Variants in UBE4A observed in about 807,000 individuals in gnomAD.
UBE4A encodes ubiquitin conjugation factor E4 A.
UBE4A carries 48 observed loss-of-function variants against 117.9 expected under a neutral mutation model. That is an observed-to-expected ratio of 0.41 (90% CI 0.32 to 0.52). UBE4A has a LOEUF of 0.52. Among genes scored for constraint, UBE4A ranks in the 20% least tolerant of loss-of-function variants. The pLI is 0.33. For synonymous variants in UBE4A, 407 were observed against 450.0 expected (o/e 0.90, Z 1.21); for missense variants, 1,067 against 1,296.3 (o/e 0.82, Z 2.72).
At chr11:118,387,844 G>T (rs782425048) in intron 16 of UBE4A, among the ~76,000 whole-genome samples, 26 of 152,144 alleles carry the variant, frequency 1.7e-4, no homozygotes, top group Admixed American at 1.3e-4. Context: ...CAAGGGAGAC[G>T]CAAAGGAGAT....
intron 4 of UBE4A, among the ~76,000 whole-genome samples, chr11:118,370,688 G>A (rs1948601914): frequency 6.6e-6 from 1 of 152,016 alleles, no homozygotes; most frequent in Non-Finnish European, 1.5e-5. Context: ...TCACAGTTCT[G>A]CAGGCTGAGA....
At chr11:118,377,929 A>AT (rs1491263804) in intron 10 of UBE4A, among the ~76,000 whole-genome samples, 2 of 137,694 alleles carry the variant, frequency 1.5e-5, no homozygotes, top group Non-Finnish European at 3.1e-5. Flanking sequence ...AAAAAAAAAA[A>AT]TTTCATTACT....
At chr11:118,360,162 C>T (rs752855950) in intron 1 of UBE4A, among the ~76,000 whole-genome samples, 1 of 152,164 alleles carries the variant, frequency 6.6e-6, no homozygotes, top group African/African-American at 2.4e-5. Flanking sequence ...GATGAGTTCA[C>T]CACAGATAAC....
intron 8 of UBE4A, among the ~76,000 whole-genome samples, chr11:118,374,634 T>C (rs781983768): frequency 2.0e-5 from 3 of 152,218 alleles, no homozygotes; most frequent in Non-Finnish European, 2.9e-5. Context: ...CAGAAATCCT[T>C]ATTGTCTAGC....
intron 11 of UBE4A, among the ~76,000 whole-genome samples, chr11:118,380,134 CGTGTGTGTGTGTGTGTGTGTGTGTGT>C (rs55892936): frequency 7.3e-6 from 1 of 136,938 alleles, no homozygotes; most frequent in African/African-American, 2.8e-5. Flanking sequence ...TGTGTGTGTG[CGTGTGTGTGTGTGTGTGTGTGTGTGT>C]GTGTGTGTGT....
chr11:118,381,835 A>G (rs1948707904), intron 12 of UBE4A, among the ~76,000 whole-genome samples: 1 of 152,222 alleles, frequency 6.6e-6, no homozygotes, highest in Non-Finnish European at 1.5e-5. Context: ...GGTGCTAATG[A>G]TCTTCTAATA....
intron 1 of UBE4A, among the ~76,000 whole-genome samples, chr11:118,363,770 C>T (rs766923751): frequency 1.2e-4 from 18 of 152,122 alleles, no homozygotes; most frequent in African/African-American, 2.2e-4. Flanking sequence ...AGGCACCTGC[C>T]GCCATGCCTG....
chr11:118,365,408 C>G (rs1212200814), intron 2 of UBE4A, among the ~76,000 whole-genome samples: 1 of 152,078 alleles, frequency 6.6e-6, no homozygotes, highest in African/African-American at 2.4e-5. Flanking sequence ...CTCCGCTGTC[C>G]TCTCCACTGT....
intron 1 of UBE4A, among the ~76,000 whole-genome samples, chr11:118,364,604 A>G (rs549045054): frequency 4.6e-4 from 70 of 152,104 alleles, no homozygotes; most frequent in African/African-American, 1.6e-3. Flanking sequence ...CCTTGTCCTC[A>G]CCCCAGTGAA....
chr11:118,368,158 C>T (rs1565529659), intron 2 of UBE4A, among the ~76,000 whole-genome samples: 1 of 152,046 alleles, frequency 6.6e-6, no homozygotes, highest in East Asian at 1.9e-4. Context: ...TGAATATTAG[C>T]ACCAGAAAAG....
intron 1 of UBE4A, among the ~76,000 whole-genome samples, chr11:118,360,162 C>G (rs752855950): frequency 1.3e-5 from 2 of 152,164 alleles, no homozygotes; most frequent in African/African-American, 2.4e-5. Context: ...GATGAGTTCA[C>G]CACAGATAAC....
At chr11:118,379,420 A>C in intron 10 of UBE4A, 26 bp from the exon 11 acceptor site, 1 of 1,602,212 alleles carries the variant, frequency 6.2e-7, no homozygotes, top group Non-Finnish European at 8.5e-7. Context: ...TCCCTGACCC[A>C]GTCTCTTCTG....
At chr11:118,386,252 A>G (rs1430890500) in intron 15 of UBE4A, among the ~76,000 whole-genome samples, 186 bp from the exon 16 acceptor site, 1 of 152,128 alleles carries the variant, frequency 6.6e-6, no homozygotes, top group Non-Finnish European at 1.5e-5. Context: ...TGAAGCCACA[A>G]TTTCTTTTTT....
At position 118,373,066 on chromosome 11, in the gene UBE4A, T is replaced by C; in HGVS notation, c.722-20T>C. 1 of 1,611,614 alleles carries C rather than the reference T, an allele frequency of 6.2e-7. No homozygotes were observed. The highest frequency in any genetic ancestry group is 8.5e-7 in the Non-Finnish European group (1 of 1,178,572). Reference sequence around the variant, plus strand: ...AAAAATTCTTGTGCCCTCCTTTCTCTCTCATTTGTCTTCTGTTAGATTTTG... The same window carrying C: ...AAAAATTCTTGTGCCCTCCTTTCTCCCTCATTTGTCTTCTGTTAGATTTTG... On this transcript the variant is annotated intron_variant, in intron 6 of 19. Coordinates refer to ENST00000252108, the MANE Select transcript of UBE4A (RefSeq NM_001204077.2).
At position 118,373,689 on chromosome 11, in the gene UBE4A, G is replaced by A. The variant is rs1459395433; in HGVS notation, c.1116+4G>A. The A allele has an allele frequency of 1.2e-6, 2 of 1,612,526 alleles. No homozygotes were observed. The highest frequency in any genetic ancestry group is 1.7e-4 in the Middle Eastern group (1 of 6,012). On this transcript the variant is annotated splice_donor_region_variant and intron_variant, in intron 8 of 19. Transcript: ENST00000252108. The stretch of plus-strand genomic sequence containing the variant: ...ACAGGAGGCCAACATCCATCAGGTG[G>A]AACTGTTTACCAGGGTATCCCAGCC...
At chr11:118,386,739 A>C in intron 16 of UBE4A, 127 bp downstream of exon 16, 1 of 1,077,872 alleles carries the variant, frequency 9.3e-7, no homozygotes, top group Non-Finnish European at 1.3e-6. Context: ...TCTGGAAGGG[A>C]AACGAATCAC....
chr11:118,368,190 T>G (rs1948580239), intron 2 of UBE4A, among the ~76,000 whole-genome samples: 1 of 152,226 alleles, frequency 6.6e-6, no homozygotes, highest in Non-Finnish European at 1.5e-5. Flanking sequence ...TGAACACTGT[T>G]AAGTGTCTTT....
chr11:118,371,754 A>AATTT, intron 5 of UBE4A, 88 bp downstream of exon 5: 1 of 1,372,076 alleles, frequency 7.3e-7, no homozygotes, highest in South Asian at 1.5e-5. Context: ...TCTTTATTTC[A>AATTT]ATTTATATAT....
In UBE4A at chr11:118,373,831, G is replaced by T. The variant is rs935742824; in HGVS notation, c.1116+146G>T. The stretch of plus-strand genomic sequence containing the variant: ...CATCACATAAATAAATTAAAACTGG[G>T]CATGGTAGCTCAAGCCTGTAATCCC... On this transcript the variant is annotated intron_variant, in intron 8 of 19. Transcript: ENST00000252108. 1.2e-5 allele frequency: 12 copies of T among 1,037,698 alleles called. No individual in the cohort carries two copies. In the African/African-American group the frequency reaches 1.3e-4, roughly 11 times the overall value. 64.3% of individuals were successfully genotyped at this position (1,037,698 alleles called of 1,614,324 possible).
Sources: gnomAD v4.1 joint callset for allele counts (sites outside exome capture counted in the v4.1 genomes callset) on GRCh38, gnomAD v4.1.1 for gene constraint, MANE v1.5 for transcripts, NCBI Gene and HGNC (gene_info 2026-07-23, HGNC 2026-07-21) for gene names.